PRR36: variants seen among roughly 807,000 people sequenced by gnomAD.
The protein encoded by PRR36 is proline-rich protein 36.
In PRR36, 30 loss-of-function variants were observed where a neutral mutation model predicts 58.6. That is an observed-to-expected ratio of 0.51 (90% CI 0.38 to 0.69). The LOEUF (loss-of-function observed/expected upper bound fraction) is 0.69. Ranked by LOEUF, PRR36 falls within the 30% of genes least tolerant of loss-of-function variation. The pLI is 0.00. For missense variants in PRR36, 1,692 were observed against 1,805.6 expected (o/e 0.94, Z 1.14); for synonymous variants, 771 against 829.3 (o/e 0.93, Z 1.21).
In PRR36 at chr19:7,869,725, G is replaced by C. The variant is rs957417722; in HGVS notation, c.3519C>G (p.Arg1173=). Residue 1173 remains arginine (R), a synonymous_variant, in exon 5 of 6, where the codon CGC becomes CGG. Coordinates refer to ENST00000618550, the MANE Select transcript of PRR36 (RefSeq NM_001190467.2). The part of the protein sequence containing the change: ...SRGPAPPLAF[R]GAPGAPLPWP... Reference sequence around the variant, plus strand: ...TGGGGTGCCCCTTACCTGGGGCTCCGCGGAAAGCCAGCGGCGGAGCGGGGC... The same window carrying C: ...TGGGGTGCCCCTTACCTGGGGCTCCCCGGAAAGCCAGCGGCGGAGCGGGGC... The C allele has an allele frequency of 1.5e-6, 2 of 1,344,236 alleles. No individual in the cohort carries two copies. Among genetic ancestry groups the C allele is most frequent in the Non-Finnish European group, 1.9e-6 (2 of 1,052,068 alleles). The allele number at this position is 1,344,236 out of a possible 1,614,324, so 83.3% of individuals were successfully genotyped here. A position where few individuals can be genotyped will look rare whatever the true frequency, so the allele number is the denominator to read the frequency against.
In PRR36 at chr19:7,871,683, G is replaced by T. The variant is rs1302356309; in HGVS notation, c.1561C>A (p.Gln521Lys). ...TPHTLATLPL[Q>K]DSPLLATLPL... Reference sequence around the variant, plus strand: ...AATGTGGCCAGAAGAGGAGAGTCCTGCAGAGGAAGAGTGGCCAGAGTGTGG... The same window carrying T: ...AATGTGGCCAGAAGAGGAGAGTCCTTCAGAGGAAGAGTGGCCAGAGTGTGG... Residue 521 changes from glutamine to lysine, a missense_variant, in exon 5 of 6, where the codon CAG (glutamine) becomes AAG (lysine). Gln to Lys is a moderately conservative substitution (Grantham distance 53). Transcript: ENST00000618550. 5.2e-6 allele frequency: 8 copies of T among 1,535,806 alleles called. No individual in the cohort carries two copies. The highest frequency in any genetic ancestry group is 7.0e-6 in the Non-Finnish European group (8 of 1,146,856).
rs915728904 is a variant in PRR36, at chr19:7,871,175, G to A, written c.2069C>T (p.Ala690Val). 1 of 1,535,144 alleles carries A rather than the reference G, an allele frequency of 6.5e-7. No individual in the cohort carries two copies. The highest frequency in any genetic ancestry group is 1.2e-5 in the South Asian group (1 of 84,016). The change falls in exon 5 of 6, where the codon GCG becomes GTG. Residue 690 changes from alanine to valine, a missense_variant. By Grantham distance (64) the Ala-to-Val change is moderately conservative. Transcript: ENST00000618550. ...SSPLTIHPLQ[A>V]LSSLASHSPQ... ...AGAGTGGGAGGCCAGAGAAGATAGC[G>A]CCTGCAGAGGGTGTATGGTCAGGGG...
chr19:7,870,975 G>T lies in PRR36; in HGVS notation c.2269C>A (p.Leu757Met). ...GGGGCTAGAGAAGGTAGGTTCTCCA[G>T]AGGGGGTGTGGTCAGGGGAGCAGAA... Reference protein sequence around the residue: ...TASAPLTTPPLENLPSLAPPP... With the variant: ...TASAPLTTPPMENLPSLAPPP... Residue 757 changes from leucine to methionine, a missense_variant, in exon 5 of 6, where the codon CTG becomes ATG. Around this residue, in one of 5 missense-constraint regions of PRR36, gnomAD observed 38 missense variants for 100.7 expected, o/e 0.38. Transcript: ENST00000618550. 1 of 1,024,238 alleles carries T rather than the reference G, an allele frequency of 9.8e-7. No homozygotes were observed. Among genetic ancestry groups the T allele is most frequent in the Non-Finnish European group, 1.3e-6 (1 of 750,110 alleles). 63.4% of individuals were successfully genotyped at this position (1,024,238 alleles called of 1,614,324 possible). A position where few individuals can be genotyped will look rare whatever the true frequency, so the allele number is the denominator to read the frequency against.
Position 7,869,006 on chromosome 19 carries a change from G to A in PRR36, c.*27C>T. On this transcript the variant is annotated 3_prime_UTR_variant, in exon 6 of 6. Transcript: ENST00000618550. The stretch of plus-strand genomic sequence containing the variant: ...GGGCGGATCCTAAGGCAGGGGTGGG[G>A]TGTAGCAGGCGGGGCTGTGGTCTGG... 2 of 1,486,040 alleles carry A rather than the reference G, an allele frequency of 1.3e-6. No homozygotes were observed. The highest frequency in any genetic ancestry group is 2.7e-5 in the East Asian group (1 of 37,680). 92.1% of individuals were successfully genotyped at this position (1,486,040 alleles called of 1,614,324 possible).
rs1395790799 is a variant in PRR36, at chr19:7,869,061, G to A, written c.4013C>T (p.Thr1338Ile). The change falls in exon 6 of 6, where the codon ACC (threonine) becomes ATC (isoleucine). Residue 1338 changes from threonine (T) to isoleucine (I), a missense_variant. Physicochemically the swap from Thr to Ile is moderately conservative, Grantham distance 89. This residue lies in a region of PRR36 where 485 missense variants were observed against 549.2 expected (regional missense o/e 0.88). Coordinates refer to ENST00000618550, the MANE Select transcript of PRR36 (RefSeq NM_001190467.2). Reference sequence around the variant, plus strand: ...GTGGAAGGTCTCCACCTCCACCACGGTCCAGTCACCCTGCGGGGAGGCCAC... The same window carrying A: ...GTGGAAGGTCTCCACCTCCACCACGATCCAGTCACCCTGCGGGGAGGCCAC... ...DDVASPQGDW[T>I]VVEVETFH 3.9e-6 allele frequency: 6 copies of A among 1,532,572 alleles called. No individual in the cohort carries two copies. The East Asian group carries it at 1.2e-4, about 31-fold the overall frequency. The allele number at this position is 1,532,572 out of a possible 1,614,324, so 94.9% of individuals were successfully genotyped here.
Position 7,871,279 on chromosome 19 carries a change from AG to A in PRR36, c.1964del (p.Pro655LeufsTer25). 6.1e-6 allele frequency: 9 copies of A among 1,482,574 alleles called. No individual in the cohort carries two copies. Among genetic ancestry groups the A allele is most frequent in the Non-Finnish European group, 7.1e-6 (8 of 1,126,060 alleles). The allele number at this position is 1,482,574 out of a possible 1,614,324, so 91.8% of individuals were successfully genotyped here. A position where few individuals can be genotyped will look rare whatever the true frequency, so the allele number is the denominator to read the frequency against. ...RPASTPPDSP[P>X]LQAPLSLPAS... ...CAGGAAGGGAAAGAGGGGCCTGCAGAGGGGGTGAATCAGGGGGAGTAGAGGC... is the reference window on the plus strand; with the variant it reads ...CAGGAAGGGAAAGAGGGGCCTGCAGAGGGGTGAATCAGGGGGAGTAGAGGC... On this transcript the variant is annotated frameshift_variant, in exon 5 of 6. Transcript: ENST00000618550. LOFTEE classifies it high-confidence loss of function.
At position 7,869,850 on chromosome 19, in the gene PRR36, C is replaced by T; in HGVS notation, c.3394G>A (p.Glu1132Lys). The change falls in exon 5 of 6, where the codon GAG (glutamate) becomes AAG (lysine). Residue 1132 changes from glutamate (E) to lysine (K), a missense_variant. Physicochemically the swap from Glu to Lys is moderately conservative, Grantham distance 56. Transcript: ENST00000618550. ...HSSSATSTPE[E>K]LRGYDSGPEG... is the part of the protein sequence containing the mutation. ...GGCCCGCTGTCGTAGCCACGCAGCT[C>T]CTCTGGCGTGCTCGTGGCGCTGCTG... 1.5e-6 allele frequency: 2 copies of T among 1,343,162 alleles called. No homozygotes were observed. The highest frequency in any genetic ancestry group is 1.9e-6 in the Non-Finnish European group (2 of 1,053,850). The allele number at this position is 1,343,162 out of a possible 1,614,324, so 83.2% of individuals were successfully genotyped here. A position where few individuals can be genotyped will look rare whatever the true frequency, so the allele number is the denominator to read the frequency against.
chr19:7,873,671 T>C lies in PRR36; in HGVS notation c.19A>G (p.Lys7Glu). The C allele has an allele frequency of 6.5e-7, 1 of 1,535,184 alleles. No homozygotes were observed. The highest frequency in any genetic ancestry group is 8.7e-7 in the Non-Finnish European group (1 of 1,146,706). Residue 7 changes from lysine to glutamate, a missense_variant, in exon 2 of 6, where the codon AAG becomes GAG. This residue lies in a region of PRR36 where 975 missense variants were observed against 955.2 expected (regional missense o/e 1.02). Transcript: ENST00000618550. The surrounding 1 kb of genome is among the most constrained non-coding windows in gnomAD (Gnocchi z 5.0). ...CGCGCGGCGGCCCCTGCCTTCGCCT[T>C]GTCTCTCTTGTTGTCCATCTTGCAC... The part of the protein sequence containing the change: MDNKRD[K>E]AKAGAAARTP...
chr19:7,872,503 G>A lies in PRR36; in HGVS notation c.741C>T (p.Thr247=). 6.7e-7 allele frequency: 1 copy of A among 1,495,668 alleles called. No individual in the cohort carries two copies. The highest frequency in any genetic ancestry group is 2.3e-5 in the Admixed American group (1 of 43,956). 92.6% of individuals were successfully genotyped at this position (1,495,668 alleles called of 1,614,324 possible). Residue 247 remains threonine, a synonymous_variant, in exon 5 of 6, where the codon ACC becomes ACT. Coordinates refer to ENST00000618550, the MANE Select transcript of PRR36 (RefSeq NM_001190467.2). The surrounding 1 kb of genome is among the most constrained non-coding windows in gnomAD (Gnocchi z 6.1). The part of the protein sequence containing the change: ...PASRSLSSSA[T]PLSSPARSGP... ...CAGAACGGGCTGGGGAGGAGAGAGG[G>A]GTGGCGCTGGAGCTCAGGGAGCGCG...
At position 7,871,045 on chromosome 19, in the gene PRR36, AG is replaced by A. The variant is rs1226176398; in HGVS notation, c.2198del (p.Pro733LeufsTer8). On this transcript the variant is annotated frameshift_variant, in exon 5 of 6. Coordinates refer to ENST00000618550, the MANE Select transcript of PRR36 (RefSeq NM_001190467.2). LOFTEE classifies it high-confidence loss of function. The part of the protein sequence containing the change: ...QTPPASLTTP[P>X]LENLPSLAPP... ...GGGCTAGAGAAGGTAGGTTCTCCAG[AG>A]GGGGTGTGGTCAGGGAAGCAGGAGG... 6.8e-7 allele frequency: 1 copy of A among 1,477,304 alleles called. No individual in the cohort carries two copies. Among genetic ancestry groups the A allele is most frequent in the Non-Finnish European group, 8.9e-7 (1 of 1,122,514 alleles). The allele number at this position is 1,477,304 out of a possible 1,614,324, so 91.5% of individuals were successfully genotyped here. A position where few individuals can be genotyped will look rare whatever the true frequency, so the allele number is the denominator to read the frequency against.
Position 7,873,791 on chromosome 19 carries a change from C to T in PRR36, c.-7-95G>A, listed in dbSNP as rs1568253736. ...CTACCTCACTGCCCTTTCGCAGCATCGCCACCCATGGACACTCAAACCTCG... is the reference window on the plus strand; with the variant it reads ...CTACCTCACTGCCCTTTCGCAGCATTGCCACCCATGGACACTCAAACCTCG... On this transcript the variant is annotated intron_variant, in intron 1 of 5. Transcript: ENST00000618550. This position sits in a 1 kb window ranked among gnomAD's most constrained non-coding sequence, Gnocchi z 5.0. 2 of 1,260,070 alleles carry T rather than the reference C, an allele frequency of 1.6e-6. No individual in the cohort carries two copies. Among genetic ancestry groups the T allele is most frequent in the Admixed American group, 5.1e-5 (2 of 39,522 alleles). 78.1% of individuals were successfully genotyped at this position (1,260,070 alleles called of 1,614,324 possible).
Position 7,872,855 on chromosome 19 carries a change from G to A in PRR36, c.481C>T (p.Arg161Trp). 6.5e-7 allele frequency: 1 copy of A among 1,535,742 alleles called. No individual in the cohort carries two copies. The highest frequency in any genetic ancestry group is 2.4e-5 in the East Asian group (1 of 40,904). Residue 161 changes from arginine (R) to tryptophan (W), a missense_variant, in exon 4 of 6, where the codon CGG becomes TGG. This residue lies in a region of PRR36 where 975 missense variants were observed against 955.2 expected (regional missense o/e 1.02). Coordinates refer to ENST00000618550, the MANE Select transcript of PRR36 (RefSeq NM_001190467.2). The surrounding 1 kb of genome is among the most constrained non-coding windows in gnomAD (Gnocchi z 6.1). ...PKRSALSAGA[R>W]RDTSGPTPGT... ...TCTTCTCCAGGTCACGTACCTCTCC[G>A]TGCCCCAGCGCTGAGGGCACTCCTT... is the stretch of plus-strand genomic sequence containing the variant.
rs1441075700 is a variant in PRR36, at chr19:7,868,939, G to A, written c.*94C>T. On this transcript the variant is annotated 3_prime_UTR_variant, in exon 6 of 6. Transcript: ENST00000618550. ...GACTAATCCACCCAGCGGGGCTCCA[G>A]GGCAGTGGAGGCGGGGTCTAAAACA... is the stretch of plus-strand genomic sequence containing the variant. 1 of 1,350,162 alleles carries A rather than the reference G, an allele frequency of 7.4e-7. No homozygotes were observed. Among genetic ancestry groups the A allele is most frequent in the Non-Finnish European group, 9.8e-7 (1 of 1,019,618 alleles). The allele number at this position is 1,350,162 out of a possible 1,614,324, so 83.6% of individuals were successfully genotyped here.
In PRR36 at chr19:7,870,164, G is replaced by C. The variant is rs1285869511; in HGVS notation, c.3080C>G (p.Ala1027Gly). 17 of 1,435,430 alleles carry C rather than the reference G, an allele frequency of 1.2e-5. No homozygotes were observed. Among genetic ancestry groups the C allele is most frequent in the Non-Finnish European group, 1.4e-5 (15 of 1,100,816 alleles). The allele number at this position is 1,435,430 out of a possible 1,614,324, so 88.9% of individuals were successfully genotyped here. Residue 1027 changes from alanine (A) to glycine (G), a missense_variant, in exon 5 of 6, where the codon GCC becomes GGC. By Grantham distance (60) the Ala-to-Gly change is moderately conservative. Around this residue, in one of 5 missense-constraint regions of PRR36, gnomAD observed 485 missense variants for 549.2 expected, o/e 0.88. Transcript: ENST00000618550. ...GAAAGGGGCCTGCCCAGGGAATGAG[G>C]CAGGCGGAGAGGGAAGGGCCTGCAG... ...PPLQALPSPPASFPGQAPFSP... is the reference protein window; with the variant it reads ...PPLQALPSPPGSFPGQAPFSP...
Position 7,871,105 on chromosome 19 carries a change from G to C in PRR36, c.2139C>G (p.Thr713=). 6.5e-7 allele frequency: 1 copy of C among 1,533,668 alleles called. No individual in the cohort carries two copies. The highest frequency in any genetic ancestry group is 8.7e-7 in the Non-Finnish European group (1 of 1,145,854). Residue 713 remains threonine (T), a synonymous_variant, in exon 5 of 6, where the codon ACC becomes ACG. Coordinates refer to ENST00000618550, the MANE Select transcript of PRR36 (RefSeq NM_001190467.2). ...LSSLIMPPLE[T]QSSLAPPSLQ... ...GAGAGGGTGGGGCTAGGGAAGATTGGGTCTCCAGAGGGGGCATGATCAGGG... is the reference window on the plus strand; with the variant it reads ...GAGAGGGTGGGGCTAGGGAAGATTGCGTCTCCAGAGGGGGCATGATCAGGG...
In PRR36 at chr19:7,873,676, C is replaced by T; in HGVS notation, c.14G>A (p.Arg5Lys). 2 of 1,535,192 alleles carry T rather than the reference C, an allele frequency of 1.3e-6. No homozygotes were observed. Among genetic ancestry groups the T allele is most frequent in the Non-Finnish European group, 1.7e-6 (2 of 1,146,692 alleles). Residue 5 changes from arginine (R) to lysine (K), a missense_variant, in exon 2 of 6, where the codon AGA becomes AAA. By Grantham distance (26) the Arg-to-Lys change is conservative (BLOSUM62 2). Around this residue, in one of 5 missense-constraint regions of PRR36, gnomAD observed 975 missense variants for 955.2 expected, o/e 1.02. Coordinates refer to ENST00000618550, the MANE Select transcript of PRR36 (RefSeq NM_001190467.2). This position sits in a 1 kb window ranked among gnomAD's most constrained non-coding sequence, Gnocchi z 5.0. MDNK[R>K]DKAKAGAAAR... ...GGCGGCCCCTGCCTTCGCCTTGTCTCTCTTGTTGTCCATCTTGCACCTGAA... is the reference window on the plus strand; with the variant it reads ...GGCGGCCCCTGCCTTCGCCTTGTCTTTCTTGTTGTCCATCTTGCACCTGAA...
Position 7,870,756 on chromosome 19 carries a change from A to G in PRR36, c.2488T>C (p.Ser830Pro). Residue 830 changes from serine to proline, a missense_variant, in exon 5 of 6, where the codon TCT becomes CCT. Ser to Pro is a moderately conservative substitution (Grantham distance 74). Coordinates refer to ENST00000618550, the MANE Select transcript of PRR36 (RefSeq NM_001190467.2). ...LASPPLQGLP[S>P]PPLSPLATPP... ...GTGGCCAAAGGAGACAGAGGGGGAG[A>G]GGGCAGGCCCTGCAAAGGGGGTGAG... is the stretch of plus-strand genomic sequence containing the variant. The G allele has an allele frequency of 4.0e-6, 5 of 1,265,580 alleles. No homozygotes were observed. Among genetic ancestry groups the G allele is most frequent in the Non-Finnish European group, 3.0e-6 (3 of 1,012,448 alleles). 78.4% of individuals were successfully genotyped at this position (1,265,580 alleles called of 1,614,324 possible).
chr19:7,872,141 G>A lies in PRR36; in HGVS notation c.1103C>T (p.Thr368Met). The A allele has an allele frequency of 2.0e-6, 3 of 1,503,740 alleles. No homozygotes were observed. Among genetic ancestry groups the A allele is most frequent in the Non-Finnish European group, 2.7e-6 (3 of 1,129,878 alleles). The allele number at this position is 1,503,740 out of a possible 1,614,324, so 93.1% of individuals were successfully genotyped here. The change falls in exon 5 of 6, where the codon ACG becomes ATG. Residue 368 changes from threonine to methionine, a missense_variant. This residue lies in a region of PRR36 where 975 missense variants were observed against 955.2 expected (regional missense o/e 1.02). Coordinates refer to ENST00000618550, the MANE Select transcript of PRR36 (RefSeq NM_001190467.2). The surrounding 1 kb of genome is among the most constrained non-coding windows in gnomAD (Gnocchi z 6.1). ...HSSSLTCQLATPLPLAPPSPS... is the reference protein window; with the variant it reads ...HSSSLTCQLAMPLPLAPPSPS... The stretch of plus-strand genomic sequence containing the variant: ...AGAAGGAGGGGCTAGAGGAAGGGGC[G>A]TGGCCAACTGACAGGTAAGGCTCGA...
chr19:7,873,020 A>G lies in PRR36; in HGVS notation c.375-59T>C, dbSNP rs557530920. ...TCTTTGTTTGGCTTCCCAAGTCTCT[A>G]TTTTCCCATCTGTGAAATGGGCATG... On this transcript the variant is annotated intron_variant, in intron 3 of 5. Transcript: ENST00000618550. The surrounding 1 kb of genome is among the most constrained non-coding windows in gnomAD (Gnocchi z 5.0). The G allele has an allele frequency of 4.1e-6, 6 of 1,447,574 alleles. No individual in the cohort carries two copies. The South Asian group carries it at 6.2e-5, about 15-fold the overall frequency. The allele number at this position is 1,447,574 out of a possible 1,614,324, so 89.7% of individuals were successfully genotyped here.
Sources: gnomAD v4.1 joint callset for allele counts on GRCh38, gnomAD v4.1.1 for gene constraint, gnomAD v4.1.1 regional missense constraint, Gnocchi (gnomAD v3.1) non-coding constraint, MANE v1.5 for transcripts, NCBI Gene and HGNC (gene_info 2026-07-23, HGNC 2026-07-21) for gene names.